Variants in CHST15 observed in about 807,000 individuals in gnomAD.
CHST15 encodes the protein B cell RAG associated protein (GALNAC4S-6ST).
CHST15 carries 30 observed loss-of-function variants against 53.6 expected under a neutral mutation model. The ratio of observed to expected loss-of-function variants is 0.56; its 90% CI spans 0.42 to 0.76. The LOEUF is 0.76. CHST15 is among the 30% of genes least tolerant of loss of function. The pLI, the probability that CHST15 is intolerant of heterozygous loss-of-function variation, is 0.00. For synonymous variants in CHST15, 296 were observed against 289.8 expected (o/e 1.02, Z -0.22); for missense variants, 627 against 740.5 (o/e 0.85, Z 1.78).
rs1948713866 is a variant in CHST15, at chr10:124,065,074, T to G, written c.-512-18350A>C. 1.3e-5 allele frequency among the ~76,000 whole-genome samples: 2 copies of G among 152,266 alleles called. 1 individual carries two copies. The highest frequency in any genetic ancestry group is 4.1e-4 in the South Asian group (2 of 4,820). ...TAAAGACAGAATGCCCAATACATGT[T>G]GGGGGCGGGGGTTAAATTTAAAATT... On this transcript the variant is annotated intron_variant, in intron 1 of 7. Coordinates refer to ENST00000435907, the MANE Select transcript of CHST15 (RefSeq NM_001270764.2).
chr10:124,039,542 C>T (rs1947656436), intron 4 of CHST15, among the ~76,000 whole-genome samples: 1 of 152,258 alleles, frequency 6.6e-6, no homozygotes, highest in Admixed American at 6.5e-5. Context: ...GGCGACTGCT[C>T]TGCACGCAGC....
intron 3 of CHST15, among the ~76,000 whole-genome samples, chr10:124,042,712 G>A (rs1947790671): frequency 1.3e-5 from 2 of 152,154 alleles, no homozygotes; most frequent in Admixed American, 1.3e-4. Flanking sequence ...TTAAAGGCTG[G>A]AACACCTACT....
At chr10:124,060,124 C>A (rs1359289736) in intron 1 of CHST15, among the ~76,000 whole-genome samples, 1 of 148,604 alleles carries the variant, frequency 6.7e-6, no homozygotes, top group Admixed American at 6.7e-5. Context: ...AGTGTATGCA[C>A]AGGTGTGCCA....
intron 3 of CHST15, among the ~76,000 whole-genome samples, chr10:124,043,875 A>G (rs1320507346): frequency 6.6e-6 from 1 of 152,162 alleles, no homozygotes; most frequent in Non-Finnish European, 1.5e-5. Flanking sequence ...AGCTGAGAAC[A>G]GCACAGAGCA....
intron 1 of CHST15, among the ~76,000 whole-genome samples, chr10:124,068,992 T>C (rs1437403565): frequency 1.3e-5 from 2 of 152,238 alleles, no homozygotes; most frequent in Non-Finnish European, 2.9e-5. Context: ...TATCAGAACA[T>C]GCTTTAGCAT....
chr10:124,086,436 T>C (rs537358124), intron 1 of CHST15, among the ~76,000 whole-genome samples: 37 of 152,286 alleles, frequency 2.4e-4, no homozygotes, highest in Non-Finnish European at 4.4e-4. Flanking sequence ...CCCAGGAATA[T>C]GGAAGGAGGG....
intron 1 of CHST15, among the ~76,000 whole-genome samples, chr10:124,059,062 G>A (rs1305994972): frequency 6.6e-6 from 1 of 152,126 alleles, no homozygotes; most frequent in Admixed American, 6.5e-5. Context: ...GGGATGAACT[G>A]GAGACTCAAG....
At position 124,038,711 on chromosome 10, in the gene CHST15, T is replaced by G. The variant is rs78168808; in HGVS notation, c.1034-40A>C. 8,459 of 1,606,128 alleles carry G rather than the reference T, an allele frequency of 5.3e-3. 370 individuals carry two copies. The African/African-American group carries it at 0.094, about 18-fold the overall frequency. On this transcript the variant is annotated intron_variant, in intron 4 of 7. Transcript: ENST00000435907. ...CACTCCAAGTGAGCAGGGGTGTGAT[T>G]CAGGCTCCCACGGAGTGGCTCTAGG... is the stretch of plus-strand genomic sequence containing the variant.
rs567899738 is a variant in CHST15 at position 124,018,958 on chromosome 10, G to C, written c.1347+2298C>G. ...CATGGTAGGATGATGGGGAAACCCA[G>C]TCCGCGAGCACGTTCCCCGATTTGT... On this transcript the variant is annotated intron_variant, in intron 6 of 7. Transcript: ENST00000435907. Among the ~76,000 whole-genome samples the C allele has an allele frequency of 3.3e-5, 5 of 152,332 alleles. No homozygotes were observed. The East Asian group carries it at 9.7e-4, about 29-fold the overall frequency.
intron 6 of CHST15, among the ~76,000 whole-genome samples, chr10:124,013,782 T>G (rs1946493410): frequency 6.6e-6 from 1 of 152,216 alleles, no homozygotes; most frequent in South Asian, 2.1e-4. Context: ...GCTTCTCCCC[T>G]TGCCTCTTCT....
intron 5 of CHST15, among the ~76,000 whole-genome samples, chr10:124,035,422 G>A (rs1273089401): frequency 7.0e-6 from 1 of 143,384 alleles, no homozygotes; most frequent in East Asian, 2.1e-4. Context: ...ACCCCTAATA[G>A]GGACCCTGGC....
chr10:124,021,585 G>A (rs1281581536), intron 5 of CHST15, among the ~76,000 whole-genome samples, 173 bp from the exon 6 acceptor site: 6 of 151,958 alleles, frequency 3.9e-5, no homozygotes, highest in Admixed American at 6.6e-5. Context: ...CCGAGCTCCC[G>A]CCCTTCTCGT....
intron 1 of CHST15, among the ~76,000 whole-genome samples, chr10:124,072,943 G>T (rs1948965672): frequency 6.6e-6 from 1 of 151,344 alleles, no homozygotes; most frequent in East Asian, 1.9e-4. Flanking sequence ...GAGGACAAAA[G>T]GGAGTCAGTC....
At chr10:124,045,639 C>A in intron 2 of CHST15, 28 bp downstream of exon 2, 2 of 1,518,016 alleles carry the variant, frequency 1.3e-6, no homozygotes, top group Non-Finnish European at 8.8e-7. Context: ...ATCAACCAAT[C>A]AGTCAAGATT....
At chr10:124,048,377 G>C (rs1948075048) in intron 1 of CHST15, among the ~76,000 whole-genome samples, 1 of 152,236 alleles carries the variant, frequency 6.6e-6, no homozygotes, top group Non-Finnish European at 1.5e-5. Context: ...AGGCTGGTCA[G>C]TAGAGGCTGA....
At chr10:124,051,278 A>G (rs1948185222) in intron 1 of CHST15, among the ~76,000 whole-genome samples, 1 of 152,208 alleles carries the variant, frequency 6.6e-6, no homozygotes, top group Non-Finnish European at 1.5e-5. Context: ...GTAAATATAC[A>G]TAGTAAAATA....
At chr10:124,032,600 C>G (rs997960804) in intron 5 of CHST15, among the ~76,000 whole-genome samples, 2 of 152,132 alleles carry the variant, frequency 1.3e-5, no homozygotes, top group East Asian at 3.9e-4. Context: ...TTACCACTTA[C>G]GAATGGGATT....
intron 1 of CHST15, among the ~76,000 whole-genome samples, chr10:124,066,618 C>T (rs1415467532): frequency 6.6e-6 from 1 of 152,234 alleles, no homozygotes; most frequent in Non-Finnish European, 1.5e-5. Flanking sequence ...GGTTTTCACA[C>T]CCAAAACCTT....
chr10:124,080,462 G>A (rs1300051169), intron 1 of CHST15, among the ~76,000 whole-genome samples: 6 of 152,192 alleles, frequency 3.9e-5, no homozygotes, highest in Admixed American at 6.5e-5. Flanking sequence ...TGATATTTGC[G>A]ACCTTGTCTG....
Sources: allele counts gnomAD v4.1 joint callset (sites outside exome capture counted in the v4.1 genomes callset), GRCh38; gene constraint gnomAD v4.1.1; transcripts MANE v1.5; gene names NCBI Gene and HGNC (gene_info 2026-07-23, HGNC 2026-07-21).